The following ACAP2 variants were observed in gnomAD, a reference collection of about 807,000 sequenced individuals.
The protein encoded by ACAP2 is arf-GAP with coiled-coil, ANK repeat and PH domain-containing protein 2.
A neutral mutation model predicts 115.8 loss-of-function variants in ACAP2; 39 were observed. That is an observed-to-expected ratio of 0.34 (90% CI 0.26 to 0.44). ACAP2 has a LOEUF of 0.44. Ranked by LOEUF, ACAP2 falls within the 20% of genes least tolerant of loss-of-function variation. The probability of loss-of-function intolerance (pLI) is 1.00; values close to 1 mark genes in which losing one functional copy is unlikely to be tolerated. For missense variants in ACAP2, 662 were observed against 927.6 expected (o/e 0.71, Z 3.72); for synonymous variants, 289 against 315.8 (o/e 0.92, Z 0.90).
Position 195,392,101 on chromosome 3 carries a change from T to A in ACAP2, c.100A>T (p.Lys34Ter). The change falls in exon 2 of 23, where the codon AAA becomes TAA. Residue 34 changes from lysine (K) to a stop codon, truncating the protein, a stop_gained. Transcript: ENST00000326793. LOFTEE classifies it high-confidence loss of function. ...VEGDVAELEL[K>*]LDKLVKLCIA... Reference sequence around the variant, plus strand: ...CTTGTAAAATTTACCTTATCAAGTTTTAGTTCCAATTCTGCCACATCACCT... The same window carrying A: ...CTTGTAAAATTTACCTTATCAAGTTATAGTTCCAATTCTGCCACATCACCT... 1 of 1,612,696 alleles carries A rather than the reference T, an allele frequency of 6.2e-7. No individual in the cohort carries two copies. Among genetic ancestry groups the A allele is most frequent in the Non-Finnish European group, 8.5e-7 (1 of 1,179,450 alleles).
chr3:195,430,993 A>G (rs2108857714), intron 1 of ACAP2, among the ~76,000 whole-genome samples: 1 of 152,136 alleles, frequency 6.6e-6, no homozygotes, highest in East Asian at 1.9e-4. Flanking sequence ...AACTCCAGAA[A>G]ATCTTCATCA....
intron 2 of ACAP2, among the ~76,000 whole-genome samples, 153 bp downstream of exon 2, chr3:195,391,937 G>A (rs1287712196): frequency 2.0e-5 from 3 of 152,112 alleles, no homozygotes; most frequent in Admixed American, 1.3e-4. Flanking sequence ...GGAGGTTGCA[G>A]TGAGCTGAGA....
intron 9 of ACAP2, chr3:195,325,323 C>G: frequency 2.4e-6 from 1 of 413,544 alleles, no homozygotes; most frequent in Non-Finnish European, 4.7e-6. Context: ...ATGTTCAAAG[C>G]ACCACTGTTT....
chr3:195,332,369 T>C (rs771953790), intron 8 of ACAP2, among the ~76,000 whole-genome samples: 2 of 152,206 alleles, frequency 1.3e-5, no homozygotes, highest in Admixed American at 6.5e-5. Flanking sequence ...TCCAGTTATG[T>C]AGACTGCAAA....
intron 10 of ACAP2, among the ~76,000 whole-genome samples, chr3:195,309,259 T>C (rs576207449): frequency 6.6e-6 from 1 of 152,280 alleles, no homozygotes; most frequent in Admixed American, 6.5e-5. Context: ...TATCCACTTG[T>C]GGCCAGGCAC....
chr3:195,358,274 A>G (rs1174994808), intron 4 of ACAP2, among the ~76,000 whole-genome samples: 1 of 152,238 alleles, frequency 6.6e-6, no homozygotes, highest in Non-Finnish European at 1.5e-5. Context: ...AGTACAAACA[A>G]GCCCAGACTG....
At chr3:195,301,277 G>A (rs62287066) in intron 15 of ACAP2, among the ~76,000 whole-genome samples, 34,453 of 151,796 alleles carry the variant, frequency 0.23, 4,644 homozygotes, top group East Asian at 0.71. Context: ...TAGTAGAGAC[G>A]GGGTTTCACC....
chr3:195,364,103 G>A (rs1732552342), intron 4 of ACAP2, among the ~76,000 whole-genome samples: 1 of 152,000 alleles, frequency 6.6e-6, no homozygotes, highest in African/African-American at 2.4e-5. Flanking sequence ...GTGGACAAAT[G>A]GAATCACATC....
At chr3:195,300,044 C>CTTTTTTTTTTTTT (rs765234326) in intron 15 of ACAP2, among the ~76,000 whole-genome samples, 4 of 34,346 alleles carry the variant, frequency 1.2e-4, no homozygotes, top group Admixed American at 2.7e-4. Context: ...CTTTTTTTTT[C>CTTTTTTTTTTTTT]TTTTTTTTTT....
At chr3:195,392,209 A>G in intron 1 of ACAP2, 62 bp from the exon 2 acceptor site, 1 of 1,305,976 alleles carries the variant, frequency 7.7e-7, no homozygotes, top group Non-Finnish European at 1.1e-6. Context: ...TTACTCTTGA[A>G]AAGTAACTCT....
At chr3:195,388,750 G>C (rs530726188) in intron 2 of ACAP2, among the ~76,000 whole-genome samples, 1 of 152,322 alleles carries the variant, frequency 6.6e-6, no homozygotes, top group African/African-American at 2.4e-5. Flanking sequence ...AGCTGGGCAT[G>C]GGGGCTCACG....
At chr3:195,416,980 A>G (rs1404633808) in intron 1 of ACAP2, among the ~76,000 whole-genome samples, 2 of 152,054 alleles carry the variant, frequency 1.3e-5, no homozygotes, top group Non-Finnish European at 2.9e-5. Context: ...CAGTGACACA[A>G]TAATGACTCA....
At chr3:195,359,496 C>T (rs1261169856) in intron 4 of ACAP2, among the ~76,000 whole-genome samples, 1 of 152,202 alleles carries the variant, frequency 6.6e-6, no homozygotes, top group Non-Finnish European at 1.5e-5. Context: ...GAGACAGAGT[C>T]TCGCTCTGTC....
chr3:195,417,707 G>T (rs762764728), intron 1 of ACAP2, among the ~76,000 whole-genome samples: 10 of 152,136 alleles, frequency 6.6e-5, no homozygotes, highest in Admixed American at 2.0e-4. Flanking sequence ...TAGCACTTTG[G>T]GAGGCCAAGG....
intron 15 of ACAP2, among the ~76,000 whole-genome samples, chr3:195,299,963 TC>T (rs1387904667): frequency 9.5e-6 from 1 of 105,568 alleles, no homozygotes; most frequent in Non-Finnish European, 2.3e-5. Context: ...TGAGTGAATT[TC>T]AAAAAAAATT....
chr3:195,416,418 A>T (rs1181936689), intron 1 of ACAP2, among the ~76,000 whole-genome samples: 2 of 152,024 alleles, frequency 1.3e-5, no homozygotes, highest in Non-Finnish European at 2.9e-5. Flanking sequence ...ACCATTTCAC[A>T]TCCATCAGAT....
At chr3:195,333,729 A>G (rs979335816) in intron 7 of ACAP2, among the ~76,000 whole-genome samples, 8 of 152,226 alleles carry the variant, frequency 5.3e-5, no homozygotes, top group African/African-American at 7.2e-5. Flanking sequence ...TCCTAGGTCC[A>G]TTATAAAGTA....
chr3:195,311,433 A>G (rs1010887113), intron 10 of ACAP2, among the ~76,000 whole-genome samples: 6 of 151,886 alleles, frequency 4.0e-5, no homozygotes, highest in Non-Finnish European at 5.9e-5. Flanking sequence ...AAGGAAAAGT[A>G]AGACTTAAAA....
In ACAP2 at chr3:195,278,109, A is replaced by G. The variant is rs1243858490; in HGVS notation, c.*1219T>C. 1 of 151,976 alleles carries G rather than the reference A, an allele frequency of 6.6e-6. No individual in the cohort carries two copies. Among genetic ancestry groups the G allele is most frequent in the Non-Finnish European group, 1.5e-5 (1 of 68,000 alleles). The allele number at this position is 151,976 out of a possible 1,614,324, so 9.4% of individuals were successfully genotyped here. On this transcript the variant is annotated 3_prime_UTR_variant, in exon 23 of 23. Transcript: ENST00000326793. ...AAAAAAAAAAAAAAAAAGCAAATTA[A>G]TTATTTTATACTTTAAGACATTTTC... is the stretch of plus-strand genomic sequence containing the variant.
Sources: allele counts gnomAD v4.1 joint callset (sites outside exome capture counted in the v4.1 genomes callset), GRCh38; gene constraint gnomAD v4.1.1; transcripts MANE v1.5; gene names NCBI Gene and HGNC (gene_info 2026-07-23, HGNC 2026-07-21).